The following EFCAB8 variants were observed in gnomAD, a reference collection of about 807,000 sequenced individuals.
EFCAB8 encodes EF-hand calcium binding domain 8, also known as EF-hand calcium-binding domain-containing protein 8.
EFCAB8 carries 100 observed loss-of-function variants against 116.3 expected under a neutral mutation model. That is an observed-to-expected ratio of 0.86 (90% CI 0.73 to 1.02). The LOEUF (loss-of-function observed/expected upper bound fraction) is 1.02, where lower values mean the gene tolerates loss of function less well. EFCAB8 is among the 50% of genes least tolerant of loss of function. EFCAB8 has a pLI of 0.00. For missense variants in EFCAB8, 1,320 were observed against 1,416.9 expected, an observed-to-expected ratio of 0.93 and a Z score of 1.10; for synonymous variants, 558 against 567.9, an observed-to-expected ratio of 0.98 and a Z score of 0.25.
intron 5 of EFCAB8, among the ~76,000 whole-genome samples, chr20:32,882,527 G>C (rs1282818716): frequency 6.6e-6 from 1 of 152,108 alleles, no homozygotes; most frequent in Non-Finnish European, 1.5e-5. Flanking sequence ...TATTTTTTGG[G>C]ATTTTATTTT....
At chr20:32,940,812 A>C (rs1209073840) in intron 22 of EFCAB8, among the ~76,000 whole-genome samples, 2 of 150,126 alleles carry the variant, frequency 1.3e-5, no homozygotes, top group East Asian at 3.9e-4. Context: ...AAGTATATTA[A>C]ATGATGGTGA....
chr20:32,955,716 C>T lies in EFCAB8; in HGVS notation c.2960-2705C>T, dbSNP rs183839899. Among the ~76,000 whole-genome samples the T allele has an allele frequency of 2.6e-3, 393 of 152,244 alleles. 2 individuals carry two copies. Among genetic ancestry groups the T allele is most frequent in the African/African-American group, 9.1e-3 (377 of 41,538 alleles). The stretch of plus-strand genomic sequence containing the variant: ...AACAGCAAGCATATATCTTCTGTTC[C>T]ACGTCCTGAGCGAGGGTATAGGTGG... On this transcript the variant is annotated intron_variant, in intron 23 of 26. Transcript: ENST00000400522.
chr20:32,939,992 C>A (rs1197131972), intron 22 of EFCAB8, among the ~76,000 whole-genome samples: 1 of 100,548 alleles, frequency 9.9e-6, no homozygotes, highest in African/African-American at 3.6e-5. Context: ...ACTGTGCCTG[C>A]CTGCCTGCCT....
intron 11 of EFCAB8, among the ~76,000 whole-genome samples, chr20:32,900,659 C>T (rs1164775048): frequency 6.6e-6 from 1 of 152,224 alleles, no homozygotes; most frequent in Non-Finnish European, 1.5e-5. Context: ...CTCCGCCTCT[C>T]GGGTTCAAGC....
chr20:32,916,221 G>T (rs1339696758), intron 17 of EFCAB8, among the ~76,000 whole-genome samples: 4 of 152,140 alleles, frequency 2.6e-5, no homozygotes, highest in Non-Finnish European at 5.9e-5. Context: ...TTCTCACATG[G>T]TAGAGAGGAC....
At chr20:32,907,066 C>A in intron 13 of EFCAB8, 72 bp downstream of exon 13, 1 of 1,448,052 alleles carries the variant, frequency 6.9e-7, no homozygotes, top group Non-Finnish European at 9.1e-7. Flanking sequence ...ATGGCATGAC[C>A]TCCCTGCCCA....
At chr20:32,863,975 T>A in intron 2 of EFCAB8, 141 bp downstream of exon 2, 1 of 959,692 alleles carries the variant, frequency 1.0e-6, no homozygotes, top group Non-Finnish European at 1.5e-6. Flanking sequence ...GCAGGTAACT[T>A]AAGTGTATTT....
At position 32,874,691 on chromosome 20, in the gene EFCAB8, G is replaced by A. The variant is rs144417191; in HGVS notation, c.209-1235G>A. On this transcript the variant is annotated intron_variant, in intron 3 of 26. Transcript: ENST00000400522. ...CAAGTAGCTGGGATTACAGGCACAC[G>A]CCACCAAACATGGCTAATTTTTGTT... 8.1e-3 allele frequency among the ~76,000 whole-genome samples: 1,233 copies of A among 152,052 alleles called. 23 individuals are homozygous for A. The highest frequency in any genetic ancestry group is 7.5e-3 in the Non-Finnish European group (513 of 67,960).
chr20:32,957,675 A>C (rs1485197007), intron 23 of EFCAB8, among the ~76,000 whole-genome samples: 1 of 152,040 alleles, frequency 6.6e-6, no homozygotes, highest in Non-Finnish European at 1.5e-5. Flanking sequence ...GGCGAGACTT[A>C]ATTAATCATG....
In EFCAB8 at chr20:32,906,556, T is replaced by C. The variant is rs1283068545; in HGVS notation, c.1089-6T>C. On this transcript the variant is annotated splice_polypyrimidine_tract_variant and splice_region_variant and intron_variant, in intron 11 of 26. Transcript: ENST00000400522. ...CCCTGCAGCCCTCACTCCTTTGATA[T>C]TGTAGGTTGTCAGTGCTGCGTTTAA... 4 of 718,494 alleles carry C rather than the reference T, an allele frequency of 5.6e-6. No homozygotes were observed. Among genetic ancestry groups the C allele is most frequent in the Non-Finnish European group, 1.0e-5 (4 of 385,074 alleles). The allele number at this position is 718,494 out of a possible 1,614,324, so 44.5% of individuals were successfully genotyped here. A position where few individuals can be genotyped will look rare whatever the true frequency, so the allele number is the denominator to read the frequency against.
At chr20:32,866,421 A>T (rs1984403485) in intron 2 of EFCAB8, among the ~76,000 whole-genome samples, 1 of 151,742 alleles carries the variant, frequency 6.6e-6, no homozygotes, top group African/African-American at 2.4e-5. Context: ...GCAGCCTTTG[A>T]TGGCCTGAGC....
chr20:32,929,120 G>C lies in EFCAB8; in HGVS notation c.2413-1278G>C, dbSNP rs917414381. Among the ~76,000 whole-genome samples the C allele has an allele frequency of 2.0e-5, 3 of 151,730 alleles. No individual in the cohort carries two copies. The South Asian group carries it at 6.2e-4, about 32-fold the overall frequency. On this transcript the variant is annotated intron_variant, in intron 20 of 26. Coordinates refer to ENST00000400522, the MANE Select transcript of EFCAB8 (RefSeq NM_001143967.2). ...AATTTTTAAATATCAGTGTTCATAAGGGATATTTCTCTGTAGTCTTTTTTT... is the reference window on the plus strand; with the variant it reads ...AATTTTTAAATATCAGTGTTCATAACGGATATTTCTCTGTAGTCTTTTTTT...
intron 23 of EFCAB8, among the ~76,000 whole-genome samples, chr20:32,956,921 C>T (rs940808211): frequency 6.7e-6 from 1 of 148,710 alleles, no homozygotes; most frequent in Admixed American, 6.7e-5. Context: ...TTGACTTTGT[C>T]TCATAGGTCT....
chr20:32,926,023 T>C (rs1008729806), intron 20 of EFCAB8, among the ~76,000 whole-genome samples: 2 of 152,274 alleles, frequency 1.3e-5, no homozygotes, highest in African/African-American at 4.8e-5. Flanking sequence ...CTTTTCTCAC[T>C]GTGAGCACCG....
chr20:32,894,198 G>A (rs1195185854), intron 9 of EFCAB8, among the ~76,000 whole-genome samples: 4 of 152,198 alleles, frequency 2.6e-5, no homozygotes, highest in South Asian at 2.1e-4. Flanking sequence ...GCCACCAGGG[G>A]CCCCATGCAG....
intron 20 of EFCAB8, among the ~76,000 whole-genome samples, chr20:32,929,911 G>A (rs1987827976): frequency 6.6e-6 from 1 of 152,168 alleles, no homozygotes; most frequent in Admixed American, 6.5e-5. Flanking sequence ...TGAGGAATTA[G>A]CAAAGGGCAT....
In EFCAB8 at chr20:32,912,964, A is replaced by G. The variant is rs1017318329; in HGVS notation, c.1856+100A>G. On this transcript the variant is annotated intron_variant, in intron 17 of 26. Transcript: ENST00000400522. ...TGGCTTTCCTGGTGGTTGGAACACC[A>G]TGCAGGAAGTTAGTGGTGGTTAATG... The G allele has an allele frequency of 6.0e-6, 4 of 665,132 alleles. No individual in the cohort carries two copies. The African/African-American group carries it at 7.3e-5, about 12-fold the overall frequency. The allele number at this position is 665,132 out of a possible 1,614,324, so 41.2% of individuals were successfully genotyped here. A position where few individuals can be genotyped will look rare whatever the true frequency, so the allele number is the denominator to read the frequency against.
At chr20:32,890,121 T>G (rs1985841329) in intron 7 of EFCAB8, among the ~76,000 whole-genome samples, 1 of 152,134 alleles carries the variant, frequency 6.6e-6, no homozygotes, top group South Asian at 2.1e-4. Context: ...GTTCTTAGGA[T>G]GGAGGTGGGA....
At position 32,960,173 on chromosome 20, in the gene EFCAB8, T is replaced by G. The variant is rs1380313525; in HGVS notation, c.3393+12T>G. 6.4e-7 allele frequency: 1 copy of G among 1,550,926 alleles called. No homozygotes were observed. Among genetic ancestry groups the G allele is most frequent in the African/African-American group, 1.4e-5 (1 of 73,014 alleles). Reference sequence around the variant, plus strand: ...GGATGAAGCATCAGGTAAGGTGGGATGGGGCAGCTCCCCAAGAGGCTGGGT... The same window carrying G: ...GGATGAAGCATCAGGTAAGGTGGGAGGGGGCAGCTCCCCAAGAGGCTGGGT... On this transcript the variant is annotated intron_variant, in intron 26 of 26. Transcript: ENST00000400522.
Sources: allele counts gnomAD v4.1 joint callset (sites outside exome capture counted in the v4.1 genomes callset), GRCh38; gene constraint gnomAD v4.1.1; transcripts MANE v1.5; gene names NCBI Gene and HGNC (gene_info 2026-07-23, HGNC 2026-07-21).